Variants in CADPS2 observed in about 807,000 individuals in gnomAD.
The protein encoded by CADPS2 is calcium dependent secretion activator 2, also known as calcium-dependent secretion activator 2.
A neutral mutation model predicts 172.5 loss-of-function variants in CADPS2; 93 were observed. The ratio of observed to expected loss-of-function variants is 0.54; its 90% CI spans 0.46 to 0.64. The LOEUF is 0.64. CADPS2 is among the 30% of genes least tolerant of loss of function. CADPS2 has a pLI of 0.00. For synonymous variants in CADPS2, 546 were observed against 555.2 expected (o/e 0.98, Z 0.23); for missense variants, 1,420 against 1,565.9 (o/e 0.91, Z 1.57).
intron 8 of CADPS2, among the ~76,000 whole-genome samples, chr7:122,536,508 A>T (rs906997808): frequency 2.6e-5 from 4 of 152,150 alleles, no homozygotes; most frequent in Admixed American, 2.6e-4. Context: ...AGGATCAATA[A>T]GATGAAAAAG....
intron 1 of CADPS2, among the ~76,000 whole-genome samples, chr7:122,801,493 C>A (rs1797636872): frequency 6.6e-6 from 1 of 152,140 alleles, no homozygotes; most frequent in Admixed American, 6.5e-5. Context: ...TATTCAAGGT[C>A]CTTCATTTAA....
chr7:122,788,627 C>A (rs1794592640), intron 1 of CADPS2, among the ~76,000 whole-genome samples: 1 of 152,206 alleles, frequency 6.6e-6, no homozygotes, highest in South Asian at 2.1e-4. Flanking sequence ...GCTGTAGAGT[C>A]TACCTCATTG....
chr7:122,731,442 T>G (rs1490294881), intron 2 of CADPS2, among the ~76,000 whole-genome samples: 1 of 151,794 alleles, frequency 6.6e-6, no homozygotes, highest in East Asian at 1.9e-4. Context: ...TGCACCTGAA[T>G]TCTGTGAAAC....
In CADPS2 at chr7:122,886,284, T is replaced by C; in HGVS notation, c.54A>G (p.Glu18=). 1 of 1,505,152 alleles carries C rather than the reference T, an allele frequency of 6.6e-7. No homozygotes were observed. Among genetic ancestry groups the C allele is most frequent in the East Asian group, 2.8e-5 (1 of 36,092 alleles). 93.2% of individuals were successfully genotyped at this position (1,505,152 alleles called of 1,614,324 possible). Residue 18 remains glutamate, a synonymous_variant, in exon 1 of 30, where the codon GAA becomes GAG. Transcript: ENST00000449022. ...CGGCTGCCACCAGCACATCGCGGCT[T>C]TCCTCTTCCAGCCCCTCGTCCGACT... ...EEESDEGLEE[E]SRDVLVAAGS...
chr7:122,539,878 GA>G (rs905142009), intron 8 of CADPS2, among the ~76,000 whole-genome samples: 38 of 151,692 alleles, frequency 2.5e-4, no homozygotes, highest in African/African-American at 8.7e-4. Context: ...ATCATATGAA[GA>G]AAAACATTTT....
intron 2 of CADPS2, among the ~76,000 whole-genome samples, chr7:122,708,401 G>A (rs2087956157): frequency 6.7e-6 from 1 of 149,616 alleles, no homozygotes; most frequent in African/African-American, 2.5e-5. Context: ...TATTCATAAT[G>A]AGTTCAACTG....
intron 3 of CADPS2, among the ~76,000 whole-genome samples, chr7:122,645,284 T>TGTGTGTATAC (rs2078206462): frequency 1.4e-5 from 2 of 138,614 alleles, no homozygotes; most frequent in Non-Finnish European, 3.2e-5. Flanking sequence ...TATACACACA[T>TGTGTGTATAC]ATGTACATAT....
intron 1 of CADPS2, among the ~76,000 whole-genome samples, chr7:122,834,754 G>A (rs532494222): frequency 5.9e-5 from 9 of 152,186 alleles, no homozygotes; most frequent in East Asian, 3.9e-4. Flanking sequence ...ACCTGCCATC[G>A]CTGAGGCTCG....
chr7:122,543,650 T>C (rs1051924855), intron 8 of CADPS2, among the ~76,000 whole-genome samples: 3 of 152,106 alleles, frequency 2.0e-5, no homozygotes, highest in Non-Finnish European at 2.9e-5. Context: ...GTATTCAAGA[T>C]TATCTGGGAA....
chr7:122,476,829 C>G (rs1051519082), intron 12 of CADPS2, among the ~76,000 whole-genome samples: 25 of 152,042 alleles, frequency 1.6e-4, no homozygotes, highest in African/African-American at 5.6e-4. Context: ...TTTTTACTTT[C>G]TTTCTACATC....
At chr7:122,646,523 A>T (rs757528485) in intron 3 of CADPS2, among the ~76,000 whole-genome samples, 4 of 152,134 alleles carry the variant, frequency 2.6e-5, no homozygotes, top group Non-Finnish European at 5.9e-5. Context: ...GAGAAGTAGG[A>T]ATTCCAAATG....
At chr7:122,829,267 T>C (rs1412435113) in intron 1 of CADPS2, among the ~76,000 whole-genome samples, 2 of 152,142 alleles carry the variant, frequency 1.3e-5, no homozygotes, top group Non-Finnish European at 2.9e-5. Context: ...TAAAGTAATA[T>C]ATAAAATTTA....
At chr7:122,552,098 C>G (rs2064376781) in intron 8 of CADPS2, among the ~76,000 whole-genome samples, 1 of 152,138 alleles carries the variant, frequency 6.6e-6, no homozygotes, top group Non-Finnish European at 1.5e-5. Context: ...CTAACTGTCC[C>G]TGTCCATAGG....
intron 27 of CADPS2, among the ~76,000 whole-genome samples, chr7:122,351,567 A>G (rs1351105529): frequency 6.6e-6 from 1 of 151,874 alleles, no homozygotes; most frequent in Non-Finnish European, 1.5e-5. Flanking sequence ...CATCCTTTTG[A>G]AAACAGCTTT....
chr7:122,846,972 C>G (rs1402799863), intron 1 of CADPS2, among the ~76,000 whole-genome samples: 1 of 152,192 alleles, frequency 6.6e-6, no homozygotes, highest in African/African-American at 2.4e-5. Context: ...GGCAGCAGAT[C>G]CAGGAACATG....
At chr7:122,697,126 C>T (rs1401018891) in intron 2 of CADPS2, among the ~76,000 whole-genome samples, 2 of 152,048 alleles carry the variant, frequency 1.3e-5, no homozygotes, top group Non-Finnish European at 2.9e-5. Flanking sequence ...GTAAGTAACA[C>T]TGGACACTAA....
intron 20 of CADPS2, among the ~76,000 whole-genome samples, chr7:122,404,141 C>A (rs191440900): frequency 4.6e-5 from 7 of 152,182 alleles, no homozygotes; most frequent in South Asian, 2.1e-4. Flanking sequence ...ATCCCTCCCC[C>A]CTCTCCCCAC....
chr7:122,353,289 T>A (rs938345411), intron 27 of CADPS2, among the ~76,000 whole-genome samples: 1 of 151,988 alleles, frequency 6.6e-6, no homozygotes, highest in Non-Finnish European at 1.5e-5. Context: ...AGAACCACCT[T>A]TTGGGGATTT....
At position 122,388,742 on chromosome 7, in the gene CADPS2, G is replaced by C. The variant is rs991175938; in HGVS notation, c.3009-4C>G. ...TTCTGATGTTGCTGAGCCATTGCTA[G>C]AAGAAAAAGGAAAAATGAACATCAT... is the stretch of plus-strand genomic sequence containing the variant. On this transcript the variant is annotated splice_polypyrimidine_tract_variant and splice_region_variant and intron_variant, in intron 22 of 29. Coordinates refer to ENST00000449022, the MANE Select transcript of CADPS2 (RefSeq NM_017954.11). The C allele has an allele frequency of 6.3e-7, 1 of 1,590,482 alleles. No individual in the cohort carries two copies. Among genetic ancestry groups the C allele is most frequent in the African/African-American group, 1.3e-5 (1 of 74,140 alleles).
Sources: allele counts gnomAD v4.1 joint callset (sites outside exome capture counted in the v4.1 genomes callset), GRCh38; gene constraint gnomAD v4.1.1; transcripts MANE v1.5; gene names NCBI Gene and HGNC (gene_info 2026-07-23, HGNC 2026-07-21).